Variants in STRN observed in about 807,000 individuals in gnomAD.
The protein encoded by STRN is protein phosphatase 2 regulatory subunit B'''alpha.
STRN carries 53 observed loss-of-function variants against 96.3 expected under a neutral mutation model. The ratio of observed to expected loss-of-function variants is 0.55; its 90% CI spans 0.44 to 0.69. The LOEUF (loss-of-function observed/expected upper bound fraction) is 0.69, where lower values mean the gene tolerates loss of function less well. Among genes scored for constraint, STRN ranks in the 30% least tolerant of loss-of-function variants. The pLI, the probability that STRN is intolerant of heterozygous loss-of-function variation, is 0.00. For synonymous variants in STRN, 428 were observed against 355.9 expected (o/e 1.20, Z -2.28); for missense variants, 987 against 963.9 (o/e 1.02, Z -0.32).
rs570621212 is a variant in STRN at position 36,899,250 on chromosome 2, A to G, written c.795+273T>C. Reference sequence around the variant, plus strand: ...CAATAACCCTGCATTGTTATAACACACAATATTTACTATATTCATCTGCCC... The same window carrying G: ...CAATAACCCTGCATTGTTATAACACGCAATATTTACTATATTCATCTGCCC... On this transcript the variant is annotated intron_variant, in intron 6 of 17. Coordinates refer to ENST00000263918, the MANE Select transcript of STRN (RefSeq NM_003162.4). 5.5e-4 allele frequency among the ~76,000 whole-genome samples: 84 copies of G among 152,310 alleles called. No individual in the cohort carries two copies. The Middle Eastern group carries it at 0.01, about 19-fold the overall frequency.
chr2:36,881,068 AAAAAC>A (rs3081782), intron 9 of STRN, among the ~76,000 whole-genome samples: 1 of 151,108 alleles, frequency 6.6e-6, no homozygotes, highest in Non-Finnish European at 1.5e-5. Context: ...GCTTTTACCA[AAAAAC>A]AAAACAAAAC....
At chr2:36,924,617 T>C (rs1670361730) in intron 2 of STRN, among the ~76,000 whole-genome samples, 1 of 152,190 alleles carries the variant, frequency 6.6e-6, no homozygotes, top group South Asian at 2.1e-4. Flanking sequence ...AATCAGTTTT[T>C]TGATCATTAT....
chr2:36,958,340 A>G (rs181417363), intron 1 of STRN, among the ~76,000 whole-genome samples: 180 of 152,280 alleles, frequency 1.2e-3, no homozygotes, highest in Admixed American at 3.5e-3. Flanking sequence ...CACCTCTAAG[A>G]CCTCAGATAA....
At chr2:36,894,133 T>C (rs1335006158) in intron 6 of STRN, 100 bp from the exon 7 acceptor site, 2 of 1,386,640 alleles carry the variant, frequency 1.4e-6, no homozygotes, top group African/African-American at 2.9e-5. Flanking sequence ...ACGTTTGTTG[T>C]GTTAAATAAC....
At chr2:36,945,483 T>C (rs1670956736) in intron 1 of STRN, among the ~76,000 whole-genome samples, 2 of 152,248 alleles carry the variant, frequency 1.3e-5, no homozygotes, top group Admixed American at 6.5e-5. Context: ...CTGGCTAACG[T>C]AGTGAAACTC....
At chr2:36,863,689 T>C (rs947353574) in intron 12 of STRN, among the ~76,000 whole-genome samples, 1 of 152,252 alleles carries the variant, frequency 6.6e-6, no homozygotes, top group African/African-American at 2.4e-5. Context: ...TTTCTAATTC[T>C]GTTAGAATGT....
At chr2:36,870,717 T>G (rs959351730) in intron 10 of STRN, among the ~76,000 whole-genome samples, 62 of 152,274 alleles carry the variant, frequency 4.1e-4, no homozygotes, top group African/African-American at 1.4e-3. Flanking sequence ...TGTTACTGGT[T>G]TATGTTATTT....
intron 14 of STRN, among the ~76,000 whole-genome samples, chr2:36,857,538 C>T (rs973313122): frequency 1.3e-5 from 2 of 151,514 alleles, no homozygotes; most frequent in East Asian, 2.0e-4. Flanking sequence ...ATTAGCTGAG[C>T]GTGGTGGTGT....
chr2:36,857,339 A>T (rs1220501219), intron 14 of STRN, among the ~76,000 whole-genome samples: 1 of 152,144 alleles, frequency 6.6e-6, no homozygotes, highest in Non-Finnish European at 1.5e-5. Flanking sequence ...TTAATTTTTT[A>T]AAATCTAAAA....
At chr2:36,863,921 G>A (rs560939899) in intron 12 of STRN, among the ~76,000 whole-genome samples, 1 of 152,246 alleles carries the variant, frequency 6.6e-6, no homozygotes, top group African/African-American at 2.4e-5. Context: ...TGTGACTACT[G>A]TAAATGAGAC....
chr2:36,900,550 T>C (rs1291775302), intron 5 of STRN, among the ~76,000 whole-genome samples: 2 of 152,186 alleles, frequency 1.3e-5, no homozygotes, highest in Non-Finnish European at 2.9e-5. Flanking sequence ...TTAGAAATAG[T>C]TGAATTTTCA....
chr2:36,839,725 T>A lies in STRN; in HGVS notation c.*9731A>T, dbSNP rs956158846. On this transcript the variant is annotated 3_prime_UTR_variant, in exon 18 of 18. Coordinates refer to ENST00000263918, the MANE Select transcript of STRN (RefSeq NM_003162.4). ...TGAACTGATCTTAAAGGAATCATAT[T>A]TTTAGTAATTTTAATGACAGTTCTT... is the stretch of plus-strand genomic sequence containing the variant. 6.6e-6 allele frequency among the ~76,000 whole-genome samples: 1 copy of A among 152,200 alleles called. No homozygotes were observed. Among genetic ancestry groups the A allele is most frequent in the African/African-American group, 2.4e-5 (1 of 41,450 alleles).
intron 2 of STRN, among the ~76,000 whole-genome samples, chr2:36,918,647 A>T (rs946093903): frequency 6.6e-6 from 1 of 152,188 alleles, no homozygotes; most frequent in Non-Finnish European, 1.5e-5. Flanking sequence ...AGGCAAAAAT[A>T]TGTAAAGAAC....
intron 1 of STRN, among the ~76,000 whole-genome samples, chr2:36,961,819 G>A (rs1170909752): frequency 6.6e-6 from 1 of 152,094 alleles, no homozygotes; most frequent in African/African-American, 2.4e-5. Flanking sequence ...ATTAGTACCT[G>A]TTTGACATGA....
At chr2:36,877,667 C>A (rs140063136) in intron 10 of STRN, among the ~76,000 whole-genome samples, 1,961 of 152,278 alleles carry the variant, frequency 0.013, 40 homozygotes, top group African/African-American at 0.045. Context: ...CCCCTAGTAG[C>A]TGGGATTATA....
Position 36,846,029 on chromosome 2 carries a change from ATT to A in STRN, c.*3425_*3426del, listed in dbSNP as rs11376872. ...ATCTTCATCCTCACTGTAAGGCTGC[ATT>A]TTTTTTTTTAAAGGCACCTCTCATT... On this transcript the variant is annotated 3_prime_UTR_variant, in exon 18 of 18. Transcript: ENST00000263918. 18 of 120,648 alleles carry A rather than the reference ATT, an allele frequency of 1.5e-4. No homozygotes were observed. The highest frequency in any genetic ancestry group is 2.5e-4 in the Non-Finnish European group (15 of 60,586). 7.5% of individuals were successfully genotyped at this position (120,648 alleles called of 1,614,324 possible). A position where few individuals can be genotyped will look rare whatever the true frequency, so the allele number is the denominator to read the frequency against.
chr2:36,915,413 T>C (rs966483111), intron 3 of STRN, among the ~76,000 whole-genome samples: 7 of 151,478 alleles, frequency 4.6e-5, no homozygotes, highest in Non-Finnish European at 8.8e-5. Flanking sequence ...TTTTGATTAA[T>C]TTTTGTCATT....
At chr2:36,880,841 T>C (rs932880768) in intron 9 of STRN, among the ~76,000 whole-genome samples, 15 of 152,212 alleles carry the variant, frequency 9.9e-5, no homozygotes, top group Admixed American at 9.2e-4. Flanking sequence ...TGTAAGTTAA[T>C]TCTAACTACT....
intron 1 of STRN, among the ~76,000 whole-genome samples, chr2:36,957,772 T>TTTTTTTG (rs1664931359): frequency 7.7e-6 from 1 of 129,638 alleles, no homozygotes; most frequent in South Asian, 2.6e-4. Context: ...TTTTTTTTTT[T>TTTTTTTG]GAGGTGGAGT....
Sources: gnomAD v4.1 joint callset for allele counts (sites outside exome capture counted in the v4.1 genomes callset) on GRCh38, gnomAD v4.1.1 for gene constraint, MANE v1.5 for transcripts, NCBI Gene and HGNC (gene_info 2026-07-23, HGNC 2026-07-21) for gene names.